Variants in TRIO observed in about 807,000 individuals in gnomAD.
TRIO encodes the protein trio Rho guanine nucleotide exchange factor.
Under a neutral mutation model 351.9 loss-of-function variants are expected in TRIO, and 58 were observed. That is an observed-to-expected ratio of 0.16 (90% confidence interval 0.13 to 0.21). The LOEUF (loss-of-function observed/expected upper bound fraction) is 0.21. TRIO is among the 10% of genes least tolerant of loss of function. TRIO has a pLI of 1.00. For synonymous variants in TRIO, 1,758 were observed against 1,595.7 expected, an observed-to-expected ratio of 1.10 and a Z score of -2.42; for missense variants, 3,201 against 4,027.8, an observed-to-expected ratio of 0.79 and a Z score of 5.56.
chr5:14,297,698 G>A (rs961801471), intron 7 of TRIO, among the ~76,000 whole-genome samples: 1 of 152,168 alleles, frequency 6.6e-6, no homozygotes, highest in African/African-American at 2.4e-5. Flanking sequence ...ACGCCCATCC[G>A]TGGTGCAGAT....
chr5:14,203,933 T>A (rs26280), intron 1 of TRIO, among the ~76,000 whole-genome samples: 53,628 of 152,212 alleles, frequency 0.35, 11,414 homozygotes, highest in East Asian at 0.49. Context: ...GCTTTTTCCT[T>A]TTTTTCTCTT....
intron 34 of TRIO, among the ~76,000 whole-genome samples, chr5:14,421,997 C>T (rs908764354): frequency 2.0e-5 from 3 of 152,198 alleles, no homozygotes; most frequent in African/African-American, 4.8e-5. Flanking sequence ...GCTGCCCCCA[C>T]GACTGGAAAG....
At chr5:14,246,771 C>T (rs1421024274) in intron 1 of TRIO, among the ~76,000 whole-genome samples, 1 of 152,224 alleles carries the variant, frequency 6.6e-6, no homozygotes, top group Non-Finnish European at 1.5e-5. Flanking sequence ...CAGCCATTCC[C>T]TGCCATTCTG....
Position 14,479,908 on chromosome 5 carries a change from T to C in TRIO, c.6244-11T>C. 5 of 1,613,688 alleles carry C rather than the reference T, an allele frequency of 3.1e-6. No individual in the cohort carries two copies. In the East Asian group the frequency reaches 1.1e-4, roughly 36 times the overall value. ...AGCCCATACGATCTTTTCTCTCTCTTAAAACTGTAGGACTTAAAGCAGCGT... is the reference window on the plus strand; with the variant it reads ...AGCCCATACGATCTTTTCTCTCTCTCAAAACTGTAGGACTTAAAGCAGCGT... On this transcript the variant is annotated splice_polypyrimidine_tract_variant and intron_variant, in intron 42 of 56. Transcript: ENST00000344204.
In TRIO at chr5:14,320,328, A is replaced by G. The variant is rs1739766574; in HGVS notation, c.1731+3585A>G. Among the ~76,000 whole-genome samples, 3 of 152,106 alleles carry G rather than the reference A, an allele frequency of 2.0e-5. No homozygotes were observed. The South Asian group carries it at 6.2e-4, about 32-fold the overall frequency. On this transcript the variant is annotated intron_variant, in intron 9 of 56. Transcript: ENST00000344204. ...AGTAGTCCAAAGAGGATGCCATCAG[A>G]CTTGTTTTTCTGCCTCAACTGTTCG...
intron 39 of TRIO, among the ~76,000 whole-genome samples, chr5:14,473,721 A>G (rs535271282): frequency 1.3e-5 from 2 of 152,370 alleles, no homozygotes; most frequent in Admixed American, 1.3e-4. Context: ...ATTTACATTT[A>G]TTTAAACTTC....
At chr5:14,424,169 G>A (rs1293693083) in intron 34 of TRIO, among the ~76,000 whole-genome samples, 2 of 152,094 alleles carry the variant, frequency 1.3e-5, no homozygotes, top group South Asian at 4.1e-4. Flanking sequence ...TGGGGCGGGC[G>A]CAGGAGGCCT....
intron 10 of TRIO, among the ~76,000 whole-genome samples, chr5:14,333,366 G>A (rs564501646): frequency 2.0e-5 from 3 of 152,282 alleles, no homozygotes; most frequent in Non-Finnish European, 4.4e-5. Context: ...TTGGGATGCC[G>A]TGTTTTCCCT....
At chr5:14,500,885 C>G (rs1165256314) in intron 53 of TRIO, among the ~76,000 whole-genome samples, 1 of 94,030 alleles carries the variant, frequency 1.1e-5, no homozygotes, top group African/African-American at 5.5e-5. Flanking sequence ...CAAGACTCTG[C>G]CTCAAAAAAA....
chr5:14,323,447 T>C (rs1740071987), intron 9 of TRIO, among the ~76,000 whole-genome samples: 1 of 152,196 alleles, frequency 6.6e-6, no homozygotes, highest in South Asian at 2.1e-4. Context: ...GTGGTGCTTT[T>C]AGTCACAGGG....
chr5:14,261,643 G>T (rs992660201), intron 1 of TRIO, among the ~76,000 whole-genome samples: 7 of 152,186 alleles, frequency 4.6e-5, no homozygotes, highest in Non-Finnish European at 1.0e-4. Flanking sequence ...GCAGAGCTGT[G>T]AGGCTCTGTG....
Position 14,358,286 on chromosome 5 carries a change from A to T in TRIO, c.2155A>T (p.Thr719Ser). ...CAAGCGCTTTGGCCAGCAGCAGCAG[A>T]CCACCCTGCAGGTGACTGTCAACGT... ...LIKRFGQQQQ[T>S]TLQVTVNVIK... is the part of the protein sequence containing the mutation. Residue 719 changes from threonine to serine, a missense_variant, in exon 12 of 57, where the codon ACC becomes TCC. By Grantham distance (58) the Thr-to-Ser change is moderately conservative. This residue lies in a region of TRIO where 363 missense variants were observed against 553.5 expected (regional missense o/e 0.66). Transcript: ENST00000344204. 6.2e-7 allele frequency: 1 copy of T among 1,614,148 alleles called. No individual in the cohort carries two copies. The highest frequency in any genetic ancestry group is 8.5e-7 in the Non-Finnish European group (1 of 1,180,018).
rs189944063 is a variant in TRIO, at chr5:14,471,539, C to G, written c.5912+73C>G. ...GTCTTTGTTGCCTTCAAAAATGTGA[C>G]TGAGATTCAGCTCTGAATTACCGAG... is the stretch of plus-strand genomic sequence containing the variant. On this transcript the variant is annotated intron_variant, in intron 38 of 56. Coordinates refer to ENST00000344204, the MANE Select transcript of TRIO (RefSeq NM_007118.4). The G allele has an allele frequency of 2.9e-5, 46 of 1,584,514 alleles. No homozygotes were observed. In the East Asian group the frequency reaches 9.9e-4, roughly 34 times the overall value.
At chr5:14,198,498 C>G (rs934126000) in intron 1 of TRIO, among the ~76,000 whole-genome samples, 3 of 152,210 alleles carry the variant, frequency 2.0e-5, no homozygotes, top group African/African-American at 7.2e-5. Flanking sequence ...AACATAATTA[C>G]ATTTCACTGA....
chr5:14,391,766 G>A (rs1747102991), intron 27 of TRIO, among the ~76,000 whole-genome samples: 1 of 152,232 alleles, frequency 6.6e-6, no homozygotes, highest in African/African-American at 2.4e-5. Flanking sequence ...ATGGACTGGT[G>A]GGATCATCAG....
Position 14,364,836 on chromosome 5 carries a change from C to T in TRIO, c.2754+20C>T, listed in dbSNP as rs771076260. The stretch of plus-strand genomic sequence containing the variant: ...AAACAGGTGAGCAAACGACTGGATG[C>T]TTGGGGAGGCTGCGCTACAGATGCT... On this transcript the variant is annotated intron_variant, in intron 15 of 56. Transcript: ENST00000344204. The T allele has an allele frequency of 1.3e-5, 21 of 1,597,464 alleles. No individual in the cohort carries two copies. The East Asian group carries it at 3.6e-4, about 27-fold the overall frequency.
chr5:14,455,387 T>A (rs1188320184), intron 34 of TRIO, among the ~76,000 whole-genome samples: 3 of 151,798 alleles, frequency 2.0e-5, no homozygotes, highest in African/African-American at 7.3e-5. Flanking sequence ...TAGCTAGACG[T>A]AAAAGTTCTC....
intron 11 of TRIO, among the ~76,000 whole-genome samples, chr5:14,357,788 A>G (rs1057289860): frequency 2.0e-5 from 3 of 152,076 alleles, no homozygotes; most frequent in African/African-American, 7.2e-5. Context: ...GCTAAGTAAG[A>G]GCCCGAGACA....
At chr5:14,389,780 G>A (rs1051225136) in intron 25 of TRIO, among the ~76,000 whole-genome samples, 1 of 152,176 alleles carries the variant, frequency 6.6e-6, no homozygotes, top group Non-Finnish European at 1.5e-5. Context: ...AGGAACTGAA[G>A]AAGCAACAGA....
Sources: allele counts gnomAD v4.1 joint callset (sites outside exome capture counted in the v4.1 genomes callset), GRCh38; gene constraint gnomAD v4.1.1; regional missense constraint gnomAD v4.1.1; transcripts MANE v1.5; gene names NCBI Gene and HGNC (gene_info 2026-07-23, HGNC 2026-07-21).